PRKN: variants seen among roughly 807,000 people sequenced by gnomAD.
PRKN encodes parkin RBR E3 ubiquitin protein ligase, also known as E3 ubiquitin-protein ligase parkin.
A neutral mutation model predicts 59.5 loss-of-function variants in PRKN; 56 were observed. The observed-to-expected ratio is 0.94, with a 90% CI of 0.76 to 1.18. The LOEUF is 1.18. PRKN is among the 50% of genes most tolerant of loss of function. The probability of loss-of-function intolerance (pLI) is 0.00; values close to 1 mark genes in which losing one functional copy is unlikely to be tolerated. For synonymous variants in PRKN, 250 were observed against 222.1 expected, an observed-to-expected ratio of 1.13 and a Z score of -1.12; for missense variants, 657 against 596.4, an observed-to-expected ratio of 1.10 and a Z score of -1.06.
intron 4 of PRKN, among the ~76,000 whole-genome samples, chr6:162,147,920 C>A (rs1426174799): frequency 6.6e-6 from 1 of 152,114 alleles, no homozygotes; most frequent in Non-Finnish European, 1.5e-5. Flanking sequence ...TGTAGACAGT[C>A]ATGAACAGCA....
chr6:162,608,719 G>A (rs555266937), intron 1 of PRKN, among the ~76,000 whole-genome samples: 7 of 152,332 alleles, frequency 4.6e-5, no homozygotes, highest in African/African-American at 1.4e-4. Context: ...AACCTCAGAT[G>A]TGAGCCAGGA....
chr6:162,570,817 G>A (rs1780291928), intron 1 of PRKN, among the ~76,000 whole-genome samples: 1 of 152,120 alleles, frequency 6.6e-6, no homozygotes, highest in Non-Finnish European at 1.5e-5. Context: ...GGTTGGGAAG[G>A]TAGAGGGAGG....
At chr6:162,562,553 G>C (rs1779886306) in intron 1 of PRKN, among the ~76,000 whole-genome samples, 1 of 152,172 alleles carries the variant, frequency 6.6e-6, no homozygotes. Flanking sequence ...ATCAGGGCTA[G>C]TCTGGCAGTA....
chr6:162,323,089 G>A (rs1783100028), intron 2 of PRKN, among the ~76,000 whole-genome samples: 3 of 109,484 alleles, frequency 2.7e-5, no homozygotes, highest in Middle Eastern at 5.8e-3. Flanking sequence ...GGGGAGGGGG[G>A]AGGGATAGCA....
At chr6:162,086,604 C>T (rs1007455295) in intron 4 of PRKN, among the ~76,000 whole-genome samples, 4 of 152,164 alleles carry the variant, frequency 2.6e-5, no homozygotes, top group African/African-American at 9.7e-5. Context: ...GAGATTAAAA[C>T]TAAATCCCTG....
At chr6:162,194,977 C>G in intron 4 of PRKN, among the ~76,000 whole-genome samples, 1 of 144,750 alleles carries the variant, frequency 6.9e-6, no homozygotes, top group South Asian at 2.1e-4. Context: ...CGTGGCAGAA[C>G]AGATGGTGGC....
chr6:162,284,956 A>T (rs547010213), intron 2 of PRKN, among the ~76,000 whole-genome samples: 14 of 152,166 alleles, frequency 9.2e-5, no homozygotes, highest in Non-Finnish European at 1.9e-4. Flanking sequence ...TGTCAGCATT[A>T]GGGTGGGTCT....
intron 8 of PRKN, among the ~76,000 whole-genome samples, chr6:161,555,478 A>T (rs1169219782): frequency 6.6e-6 from 1 of 152,224 alleles, no homozygotes; most frequent in African/African-American, 2.4e-5. Flanking sequence ...AGGATTCAGA[A>T]AAACTGTAGA....
chr6:161,733,936 C>A (rs546692725), intron 7 of PRKN, among the ~76,000 whole-genome samples: 1 of 144,976 alleles, frequency 6.9e-6, no homozygotes, highest in Non-Finnish European at 1.5e-5. Context: ...TTTAAATGAC[C>A]TCTCTTTTAT....
chr6:162,080,185 G>T (rs1447609737), intron 4 of PRKN, among the ~76,000 whole-genome samples: 2 of 152,020 alleles, frequency 1.3e-5, no homozygotes, highest in African/African-American at 4.8e-5. Context: ...GAAAAATACA[G>T]AATTTAGAAG....
chr6:161,712,877 G>T (rs1311648672), intron 7 of PRKN, among the ~76,000 whole-genome samples: 1 of 152,090 alleles, frequency 6.6e-6, no homozygotes, highest in Non-Finnish European at 1.5e-5. Context: ...GTGGTGGGGG[G>T]GACTTGCCAC....
chr6:162,638,312 T>C (rs1000941168), intron 1 of PRKN, among the ~76,000 whole-genome samples: 3 of 152,132 alleles, frequency 2.0e-5, no homozygotes, highest in Admixed American at 6.6e-5. Flanking sequence ...TTTTTTTCCC[T>C]AGCCTGTATA....
Position 161,349,574 on chromosome 6 carries a change from T to G in PRKN, c.*525A>C. On this transcript the variant is annotated 3_prime_UTR_variant, in exon 12 of 12. Coordinates refer to ENST00000366898, the MANE Select transcript of PRKN (RefSeq NM_004562.3). The surrounding 1 kb of genome is among the most constrained non-coding windows in gnomAD (Gnocchi z 5.5). Reference sequence around the variant, plus strand: ...CTGAAAATTTAAATAAGAACATTACTGTTAAAGCCATGAATCTAGTTTGGA... The same window carrying G: ...CTGAAAATTTAAATAAGAACATTACGGTTAAAGCCATGAATCTAGTTTGGA... The G allele has an allele frequency of 4.2e-6, 1 of 239,980 alleles. No homozygotes were observed. The highest frequency in any genetic ancestry group is 8.2e-6 in the Non-Finnish European group (1 of 121,820). The allele number at this position is 239,980 out of a possible 1,614,324, so 14.9% of individuals were successfully genotyped here.
At chr6:162,612,387 A>G (rs1782226087) in intron 1 of PRKN, among the ~76,000 whole-genome samples, 1 of 151,862 alleles carries the variant, frequency 6.6e-6, no homozygotes, top group African/African-American at 2.4e-5. Context: ...ATCAGGCCGG[A>G]CGAAGGTTTA....
intron 1 of PRKN, among the ~76,000 whole-genome samples, chr6:162,532,225 T>C (rs181527335): frequency 8.0e-4 from 72 of 90,468 alleles, no homozygotes; most frequent in African/African-American, 2.0e-3. Flanking sequence ...TTATGGACTA[T>C]AAAACTAGCA....
At chr6:161,384,229 C>T (rs916939034) in intron 10 of PRKN, among the ~76,000 whole-genome samples, 10 of 152,242 alleles carry the variant, frequency 6.6e-5, no homozygotes, top group South Asian at 2.1e-4. Context: ...TAACATATTA[C>T]GGGTGTTTAA....
chr6:162,316,383 A>G (rs1782754578), intron 2 of PRKN, among the ~76,000 whole-genome samples: 2 of 152,092 alleles, frequency 1.3e-5, no homozygotes, highest in Admixed American at 1.3e-4. Flanking sequence ...CTTCAGCTGA[A>G]TATCTCCCTA....
chr6:162,401,207 GAAT>G (rs1431165396), intron 2 of PRKN, among the ~76,000 whole-genome samples: 3 of 150,704 alleles, frequency 2.0e-5, no homozygotes, highest in Non-Finnish European at 4.4e-5. Flanking sequence ...CAGAAAAAAA[GAAT>G]ATTAAGAAAA....
intron 9 of PRKN, among the ~76,000 whole-genome samples, chr6:161,539,725 C>T (rs1779551241): frequency 6.6e-6 from 1 of 152,150 alleles, no homozygotes; most frequent in South Asian, 2.1e-4. Context: ...AGCTTCCTCC[C>T]TCACATCATC....
Sources: gnomAD v4.1 joint callset for allele counts (sites outside exome capture counted in the v4.1 genomes callset) on GRCh38, gnomAD v4.1.1 for gene constraint, Gnocchi (gnomAD v3.1) non-coding constraint, MANE v1.5 for transcripts, NCBI Gene and HGNC (gene_info 2026-07-23, HGNC 2026-07-21) for gene names.